The following ZC3H12C variants were observed in gnomAD, a reference collection of about 807,000 sequenced individuals.
ZC3H12C encodes zinc finger CCCH-type containing 12C, also known as probable ribonuclease ZC3H12C.
In ZC3H12C, 20 loss-of-function variants were observed where a neutral mutation model predicts 76.3. The observed-to-expected ratio is 0.26, with a 90% CI of 0.18 to 0.38. The LOEUF is 0.38. Ranked by LOEUF, ZC3H12C falls within the 10% of genes least tolerant of loss-of-function variation. ZC3H12C has a pLI of 1.00. For synonymous variants in ZC3H12C, 352 were observed against 399.6 expected, an observed-to-expected ratio of 0.88 and a Z score of 1.42; for missense variants, 874 against 1,086.5, an observed-to-expected ratio of 0.80 and a Z score of 2.75.
intron 2 of ZC3H12C, among the ~76,000 whole-genome samples, chr11:110,150,370 A>G (rs1565264917): frequency 6.6e-6 from 1 of 152,050 alleles, no homozygotes. Context: ...TTTTATCTAT[A>G]AAGCTCTTGC....
chr11:110,150,564 T>C (rs1862253879), intron 2 of ZC3H12C, among the ~76,000 whole-genome samples: 1 of 152,106 alleles, frequency 6.6e-6, no homozygotes, highest in East Asian at 1.9e-4. Context: ...ATTCCTGATA[T>C]CTGTTGAAAT....
intron 1 of ZC3H12C, among the ~76,000 whole-genome samples, chr11:110,109,925 GA>G (rs1861397667): frequency 6.6e-6 from 1 of 152,128 alleles, no homozygotes; most frequent in African/African-American, 2.4e-5. Flanking sequence ...TATGCATCAT[GA>G]TGAGAGTATA....
intron 4 of ZC3H12C, among the ~76,000 whole-genome samples, chr11:110,162,469 T>C (rs12282491): frequency 0.023 from 3,485 of 152,328 alleles, 134 homozygotes; most frequent in African/African-American, 0.08. Flanking sequence ...ATTTTATAGG[T>C]AAATACTTGG....
chr11:110,159,940 A>G (rs1347711208), intron 4 of ZC3H12C, among the ~76,000 whole-genome samples: 1 of 152,276 alleles, frequency 6.6e-6, no homozygotes, highest in Non-Finnish European at 1.5e-5. Flanking sequence ...CATAGAGTGT[A>G]CTTACACAAA....
rs937720067 is a variant in ZC3H12C, at chr11:110,165,110, G to T, written c.2025G>T (p.Pro675=). The change falls in exon 6 of 6, where the codon CCG becomes CCT. Residue 675 remains proline, a synonymous_variant. Transcript: ENST00000278590. ...MHPHSRLNPQ[P]FLQNFHDPLT... is the part of the protein sequence containing the mutation. Reference sequence around the variant, plus strand: ...CTCACAGCCGCCTTAATCCTCAACCGTTCCTGCAGAATTTCCACGACCCCT... The same window carrying T: ...CTCACAGCCGCCTTAATCCTCAACCTTTCCTGCAGAATTTCCACGACCCCT... 7 of 1,613,710 alleles carry T rather than the reference G, an allele frequency of 4.3e-6. No individual in the cohort carries two copies. The highest frequency in any genetic ancestry group is 1.1e-5 in the South Asian group (1 of 91,076).
chr11:110,112,601 A>G (rs2134154818), intron 1 of ZC3H12C, among the ~76,000 whole-genome samples: 1 of 152,332 alleles, frequency 6.6e-6, no homozygotes, highest in Non-Finnish European at 1.5e-5. Flanking sequence ...TTAAAGAAGG[A>G]CTAGAAAAGG....
At chr11:110,126,381 A>G (rs1319715448) in intron 1 of ZC3H12C, among the ~76,000 whole-genome samples, 1 of 150,768 alleles carries the variant, frequency 6.6e-6, no homozygotes, top group Non-Finnish European at 1.5e-5. Flanking sequence ...ATGCCTGGCT[A>G]ATCTTTTATT....
intron 1 of ZC3H12C, 61 bp from the exon 2 acceptor site, chr11:110,136,602 C>T: frequency 1.3e-6 from 2 of 1,533,906 alleles, no homozygotes; most frequent in Non-Finnish European, 1.8e-6. Flanking sequence ...TCTGACTTCT[C>T]CATTGAGACA....
intron 1 of ZC3H12C, among the ~76,000 whole-genome samples, chr11:110,128,839 G>C (rs1476229442): frequency 1.5e-5 from 2 of 131,936 alleles, no homozygotes; most frequent in Non-Finnish European, 3.1e-5. Context: ...TTTCAGGGCT[G>C]ATATCTTTTT....
At chr11:110,103,551 G>C (rs1286498153) in intron 1 of ZC3H12C, among the ~76,000 whole-genome samples, 1 of 151,998 alleles carries the variant, frequency 6.6e-6, no homozygotes, top group Non-Finnish European at 1.5e-5. Flanking sequence ...TTATCTTCCA[G>C]GTAATGGAAT....
At chr11:110,148,632 A>G (rs1862212652) in intron 2 of ZC3H12C, among the ~76,000 whole-genome samples, 1 of 152,252 alleles carries the variant, frequency 6.6e-6, no homozygotes, top group Non-Finnish European at 1.5e-5. Context: ...AGATATACCA[A>G]TCTTCCTTAT....
chr11:110,101,502 C>T (rs994522423), intron 1 of ZC3H12C, among the ~76,000 whole-genome samples: 2 of 151,486 alleles, frequency 1.3e-5, no homozygotes, highest in African/African-American at 2.4e-5. Flanking sequence ...GTTCAGTGTT[C>T]GTCTACCATT....
rs538289095 is a variant in ZC3H12C at position 110,142,250 on chromosome 11, A to G, written c.773+4836A>G. Among the ~76,000 whole-genome samples the G allele has an allele frequency of 5.3e-5, 8 of 152,304 alleles. No individual in the cohort carries two copies. The South Asian group carries it at 1.7e-3, about 32-fold the overall frequency. On this transcript the variant is annotated intron_variant, in intron 2 of 5. Transcript: ENST00000278590. ...AAGTACATAATTCTAGTTGTCATCA[A>G]TGTCATGTACTTTAATAGACCAGTC...
At chr11:110,107,821 C>A (rs1197385173) in intron 1 of ZC3H12C, among the ~76,000 whole-genome samples, 1 of 152,164 alleles carries the variant, frequency 6.6e-6, no homozygotes, top group Admixed American at 6.5e-5. Context: ...AGCCACTGCA[C>A]CTGGCCAATT....
intron 1 of ZC3H12C, among the ~76,000 whole-genome samples, chr11:110,118,621 G>GC (rs1391921220): frequency 2.0e-5 from 3 of 151,994 alleles, no homozygotes; most frequent in African/African-American, 7.2e-5. Context: ...ACATGGTAAA[G>GC]CCCCGTCTCT....
chr11:110,145,496 C>A (rs1363876300), intron 2 of ZC3H12C, among the ~76,000 whole-genome samples: 3 of 151,682 alleles, frequency 2.0e-5, no homozygotes, highest in African/African-American at 7.3e-5. Context: ...AATGAGGTTT[C>A]AATTAACCCA....
chr11:110,115,748 C>CTTTTTTTTTTTTTTTTTT (rs71476067), intron 1 of ZC3H12C, among the ~76,000 whole-genome samples: 2 of 120,320 alleles, frequency 1.7e-5, no homozygotes, highest in Non-Finnish European at 3.4e-5. Context: ...TTCTCATTTT[C>CTTTTTTTTTTTTTTTTTT]TTTTTTTTTT....
intron 1 of ZC3H12C, among the ~76,000 whole-genome samples, chr11:110,099,906 T>G (rs1038954281): frequency 1.3e-5 from 2 of 152,208 alleles, no homozygotes; most frequent in African/African-American, 4.8e-5. Flanking sequence ...AAAATACTTT[T>G]TTTCCCATAA....
At chr11:110,096,916 A>T (rs1861123332) in intron 1 of ZC3H12C, among the ~76,000 whole-genome samples, 1 of 152,238 alleles carries the variant, frequency 6.6e-6, no homozygotes, top group Non-Finnish European at 1.5e-5. Context: ...AAATGATGTA[A>T]CAGCAGTGTA....
Sources: gnomAD v4.1 joint callset for allele counts (sites outside exome capture counted in the v4.1 genomes callset) on GRCh38, gnomAD v4.1.1 for gene constraint, MANE v1.5 for transcripts, NCBI Gene and HGNC (gene_info 2026-07-23, HGNC 2026-07-21) for gene names.